The following ACSBG1 variants were observed in gnomAD, a reference collection of about 807,000 sequenced individuals.
The protein encoded by ACSBG1 is acyl-CoA synthetase bubblegum family member 1.
A neutral mutation model predicts 80.2 loss-of-function variants in ACSBG1; 39 were observed. That is an observed-to-expected ratio of 0.49 (90% CI 0.38 to 0.64). ACSBG1 has a LOEUF of 0.64. Among genes scored for constraint, ACSBG1 ranks in the 30% least tolerant of loss-of-function variants. The pLI is 0.00. For missense variants in ACSBG1, 828 were observed against 966.4 expected, an observed-to-expected ratio of 0.86 and a Z score of 1.90; for synonymous variants, 392 against 379.5, an observed-to-expected ratio of 1.03 and a Z score of -0.38.
At chr15:78,215,007 C>T (rs2075295685) in intron 1 of ACSBG1, among the ~76,000 whole-genome samples, 2 of 152,136 alleles carry the variant, frequency 1.3e-5, no homozygotes, top group Admixed American at 6.5e-5. Flanking sequence ...TGCGTTAGGA[C>T]CCCTTTTGAG....
chr15:78,220,880 G>C (rs1201119427), intron 1 of ACSBG1, among the ~76,000 whole-genome samples: 1 of 152,180 alleles, frequency 6.6e-6, no homozygotes, highest in African/African-American at 2.4e-5. Context: ...CAGATACTTT[G>C]GAATACCATC....
intron 5 of ACSBG1, among the ~76,000 whole-genome samples, chr15:78,190,405 A>G (rs2075046759): frequency 1.3e-5 from 2 of 149,226 alleles, no homozygotes; most frequent in Non-Finnish European, 3.0e-5. Flanking sequence ...CCCAGGCCAG[A>G]GTGTAGTGTT....
chr15:78,174,482 G>A lies in ACSBG1; in HGVS notation c.1745C>T (p.Pro582Leu). 7 of 1,614,172 alleles carry A rather than the reference G, an allele frequency of 4.3e-6. No homozygotes were observed. The highest frequency in any genetic ancestry group is 5.9e-6 in the Non-Finnish European group (7 of 1,180,030). Residue 582 changes from proline (P) to leucine (L), a missense_variant, in exon 12 of 14, where the codon CCC becomes CTC. By Grantham distance (98) the Pro-to-Leu change is moderately conservative (BLOSUM62 -3). Transcript: ENST00000258873. ...TAGGENVPPV[P>L]IEEAVKMELP... ...CTCCATCTTCACGGCCTCCTCGATG[G>A]GCACAGGGGGCACATTCTCCCCACC...
chr15:78,173,052 C>T (rs2074841877), intron 13 of ACSBG1, among the ~76,000 whole-genome samples: 1 of 152,192 alleles, frequency 6.6e-6, no homozygotes, highest in South Asian at 2.1e-4. Flanking sequence ...TTAGAAAGTT[C>T]TAGCACATAT....
In ACSBG1 at chr15:78,178,705, A is replaced by C. The variant is rs936447156; in HGVS notation, c.1611T>G (p.Cys537Trp). The C allele has an allele frequency of 3.7e-6, 6 of 1,614,004 alleles. No homozygotes were observed. The African/African-American group carries it at 8.0e-5, about 22-fold the overall frequency. The stretch of plus-strand genomic sequence containing the variant: ...GCCAGCCTTCCTCGTCGATGGCCTC[A>C]CAAGTCTTGTCCTCCATGTTCAGGT... Reference protein sequence around the residue: ...MGYLNMEDKTCEAIDEEGWLH... With the variant: ...MGYLNMEDKTWEAIDEEGWLH... Residue 537 changes from cysteine (C) to tryptophan (W), a missense_variant, in exon 11 of 14, where the codon TGT becomes TGG. Physicochemically the swap from Cys to Trp is radical, Grantham distance 215. Around this residue, in one of 3 missense-constraint regions of ACSBG1, gnomAD observed 271 missense variants for 375.9 expected, o/e 0.72. Transcript: ENST00000258873. This position sits in a 1 kb window ranked among gnomAD's most constrained non-coding sequence, Gnocchi z 4.3.
intron 1 of ACSBG1, 41 bp from the exon 2 acceptor site, chr15:78,208,143 G>A (rs377513004): frequency 1.6e-4 from 244 of 1,526,738 alleles, no homozygotes; most frequent in African/African-American, 3.8e-4. Flanking sequence ...TCATTAGAAC[G>A]TGGGGGACCG....
intron 2 of ACSBG1, among the ~76,000 whole-genome samples, chr15:78,197,671 A>G (rs576686032): frequency 1.3e-5 from 2 of 148,636 alleles, no homozygotes; most frequent in Non-Finnish European, 3.0e-5. Flanking sequence ...GTGAGCTGAG[A>G]TCGCACCACT....
intron 1 of ACSBG1, among the ~76,000 whole-genome samples, chr15:78,229,994 C>T (rs1373192212): frequency 6.6e-6 from 1 of 152,234 alleles, no homozygotes; most frequent in Non-Finnish European, 1.5e-5. Context: ...CGGGCATCCA[C>T]AGCCTTTCAA....
Position 78,193,966 on chromosome 15 carries a change from A to G in ACSBG1, c.508T>C (p.Trp170Arg). ...VAILGFNSPE[W>R]FFSAVGTVFA... The stretch of plus-strand genomic sequence containing the variant: ...ACTGTGCCCACTGCCGAGAAGAACC[A>G]CTCCGGGGAGTTGAAGCCGAGGATG... Residue 170 changes from tryptophan to arginine, a missense_variant, in exon 4 of 14, where the codon TGG (tryptophan) becomes CGG (arginine). Physicochemically the swap from Trp to Arg is moderately radical, Grantham distance 101 (BLOSUM62 -3). This residue lies in a region of ACSBG1 where 356 missense variants were observed against 363.5 expected (regional missense o/e 0.98). Transcript: ENST00000258873. 6.2e-7 allele frequency: 1 copy of G among 1,613,140 alleles called. No individual in the cohort carries two copies. Among genetic ancestry groups the G allele is most frequent in the South Asian group, 1.1e-5 (1 of 91,014 alleles).
At chr15:78,202,098 G>A (rs1226005989) in intron 2 of ACSBG1, among the ~76,000 whole-genome samples, 1 of 152,210 alleles carries the variant, frequency 6.6e-6, no homozygotes, top group Non-Finnish European at 1.5e-5. Context: ...AGGGCAGGGA[G>A]AAACTGAATT....
chr15:78,215,848 C>T (rs1282002573), intron 1 of ACSBG1, among the ~76,000 whole-genome samples: 1 of 152,182 alleles, frequency 6.6e-6, no homozygotes, highest in Non-Finnish European at 1.5e-5. Flanking sequence ...AATGCCAGCA[C>T]ATGGCTCATT....
chr15:78,179,824 C>T, intron 9 of ACSBG1, 44 bp from the exon 10 acceptor site: 1 of 1,278,754 alleles, frequency 7.8e-7, no homozygotes, highest in Non-Finnish European at 1.1e-6. Context: ...ATCACACACA[C>T]ACACACACAC....
intron 2 of ACSBG1, among the ~76,000 whole-genome samples, chr15:78,199,014 T>C (rs931492662): frequency 1.3e-5 from 2 of 152,242 alleles, no homozygotes; most frequent in Admixed American, 1.3e-4. Context: ...CCCTCTCATT[T>C]TCCTTTAGAC....
intron 5 of ACSBG1, among the ~76,000 whole-genome samples, chr15:78,188,481 A>G (rs2075026585): frequency 6.7e-6 from 1 of 150,232 alleles, no homozygotes; most frequent in Non-Finnish European, 1.5e-5. Context: ...ACAGAGATAT[A>G]GATCAATGGA....
rs969479127 is a variant in ACSBG1 at position 78,177,977 on chromosome 15, T to A, written c.1702+637A>T. Among the ~76,000 whole-genome samples the A allele has an allele frequency of 1.3e-5, 2 of 152,206 alleles. No homozygotes were observed. The highest frequency in any genetic ancestry group is 4.8e-5 in the African/African-American group (2 of 41,452). On this transcript the variant is annotated intron_variant, in intron 11 of 13. Coordinates refer to ENST00000258873, the MANE Select transcript of ACSBG1 (RefSeq NM_015162.5). This position sits in a 1 kb window ranked among gnomAD's most constrained non-coding sequence, Gnocchi z 4.1. ...ATTCCCCATCATATCCATGTTTGCATATAAAAATACATAATACTTACGCTC... is the reference window on the plus strand; with the variant it reads ...ATTCCCCATCATATCCATGTTTGCAAATAAAAATACATAATACTTACGCTC...
intron 2 of ACSBG1, among the ~76,000 whole-genome samples, chr15:78,198,397 A>T (rs2075134452): frequency 6.6e-6 from 1 of 151,034 alleles, no homozygotes; most frequent in Non-Finnish European, 1.5e-5. Flanking sequence ...CCCAGGCTGG[A>T]ATGCAGTGGC....
intron 1 of ACSBG1, among the ~76,000 whole-genome samples, chr15:78,231,478 G>T (rs578081777): frequency 6.6e-6 from 1 of 151,902 alleles, no homozygotes; most frequent in South Asian, 2.1e-4. Context: ...TACAGACAGG[G>T]TTTCAACATG....
chr15:78,182,947 CCCT>C, intron 5 of ACSBG1, 162 bp from the exon 6 acceptor site: 1 of 718,834 alleles, frequency 1.4e-6, no homozygotes, highest in South Asian at 1.7e-5. Flanking sequence ...CCCATAGTTT[CCCT>C]CCTGAGAACT....
intron 3 of ACSBG1, 142 bp downstream of exon 3, chr15:78,194,364 G>A (rs2141348562): frequency 2.6e-6 from 2 of 763,758 alleles, no homozygotes; most frequent in East Asian, 5.4e-5. Flanking sequence ...TGGAGTATCA[G>A]CCCCACGCAC....
Sources: gnomAD v4.1 joint callset for allele counts (sites outside exome capture counted in the v4.1 genomes callset) on GRCh38, gnomAD v4.1.1 for gene constraint, gnomAD v4.1.1 regional missense constraint, Gnocchi (gnomAD v3.1) non-coding constraint, MANE v1.5 for transcripts, NCBI Gene and HGNC (gene_info 2026-07-23, HGNC 2026-07-21) for gene names.